Variants in KPNA7 observed in about 807,000 individuals in gnomAD.
KPNA7 encodes importin subunit alpha-8.
A neutral mutation model predicts 53.7 loss-of-function variants in KPNA7; 54 were observed. That is an observed-to-expected ratio of 1.01 (90% CI 0.81 to 1.26). The LOEUF (loss-of-function observed/expected upper bound fraction) is 1.26. KPNA7 is among the 50% of genes most tolerant of loss of function. The probability of loss-of-function intolerance (pLI) is 0.00; values close to 1 mark genes in which losing one functional copy is unlikely to be tolerated. For synonymous variants in KPNA7, 276 were observed against 259.3 expected, an observed-to-expected ratio of 1.06 and a Z score of -0.62; for missense variants, 640 against 644.5, an observed-to-expected ratio of 0.99 and a Z score of 0.07.
intron 9 of KPNA7, 63 bp downstream of exon 9, chr7:99,181,820 A>G: frequency 7.4e-7 from 1 of 1,355,880 alleles, no homozygotes. Flanking sequence ...TAAGAGCCAC[A>G]TTAAATGCTT....
chr7:99,170,059 T>A (rs1798743961), downstream of KPNA7, among the ~76,000 whole-genome samples: 1 of 152,122 alleles, frequency 6.6e-6, no homozygotes, highest in Non-Finnish European at 1.5e-5. Context: ...TCTGCAGCTC[T>A]GATCGTTGGG....
At chr7:99,168,900 A>G (rs1365670576), downstream of KPNA7, among the ~76,000 whole-genome samples, 3 of 152,170 alleles carry the variant, frequency 2.0e-5, no homozygotes, top group African/African-American at 7.2e-5. Flanking sequence ...TGAACTCTCC[A>G]TTAATGTAAC....
At chr7:99,214,452 CA>C (rs200819604) in intron 1 of KPNA7, among the ~76,000 whole-genome samples, 2 of 145,366 alleles carry the variant, frequency 1.4e-5, no homozygotes, top group Non-Finnish European at 1.5e-5. Flanking sequence ...CAAAAAAAAA[CA>C]AAAAACAAAA....
At chr7:99,170,745 C>G (rs1047483485), downstream of KPNA7, among the ~76,000 whole-genome samples, 3 of 152,168 alleles carry the variant, frequency 2.0e-5, no homozygotes, top group African/African-American at 7.2e-5. Context: ...ATACTGGAGA[C>G]ACAACCTACA....
rs1790202107 is a variant in KPNA7, at chr7:99,195,828, T to C, written c.284+256A>G. ...ATCAACATTTTCCCCTTTAAGGTGTTATCTACAAGATGAAATTTCTGTAGA... is the reference window on the plus strand; with the variant it reads ...ATCAACATTTTCCCCTTTAAGGTGTCATCTACAAGATGAAATTTCTGTAGA... On this transcript the variant is annotated intron_variant, in intron 4 of 10. Coordinates refer to ENST00000327442, the MANE Select transcript of KPNA7 (RefSeq NM_001145715.3). Among the ~76,000 whole-genome samples, 4 of 152,362 alleles carry C rather than the reference T, an allele frequency of 2.6e-5. No individual in the cohort carries two copies. The South Asian group carries it at 8.3e-4, about 32-fold the overall frequency.
At chr7:99,218,561 G>A (rs73405119) in intron 1 of KPNA7, among the ~76,000 whole-genome samples, 11 of 152,092 alleles carry the variant, frequency 7.2e-5, no homozygotes, top group Non-Finnish European at 1.3e-4. Flanking sequence ...CAGACACCCC[G>A]CAAGCCCGCG....
intron 1 of KPNA7, among the ~76,000 whole-genome samples, chr7:99,215,719 C>T (rs1028675915): frequency 6.6e-6 from 1 of 152,114 alleles, no homozygotes; most frequent in African/African-American, 2.4e-5. Flanking sequence ...CAGGCAGAGG[C>T]TCATGCCCGT....
At chr7:99,215,878 G>A (rs1584327480) in intron 1 of KPNA7, among the ~76,000 whole-genome samples, 2 of 151,946 alleles carry the variant, frequency 1.3e-5, no homozygotes, top group East Asian at 1.9e-4. Context: ...GGAGGCTAAG[G>A]CAGGAGGATC....
the KPNA7 span, among the ~76,000 whole-genome samples, chr7:99,154,356 T>C: frequency 6.6e-6 from 1 of 152,218 alleles, no homozygotes. Flanking sequence ...CTTGAACTCT[T>C]GACCTCAAGC....
chr7:99,187,728 G>A (rs1789673257), intron 7 of KPNA7, among the ~76,000 whole-genome samples: 4 of 141,956 alleles, frequency 2.8e-5, no homozygotes, highest in African/African-American at 1.0e-4. Flanking sequence ...TAATTCTTTG[G>A]TGTTTTACAA....
At chr7:99,215,424 A>G (rs1413082078) in intron 1 of KPNA7, among the ~76,000 whole-genome samples, 2 of 151,598 alleles carry the variant, frequency 1.3e-5, no homozygotes, top group South Asian at 2.1e-4. Flanking sequence ...TTCAAACCAA[A>G]TATCACAGGA....
rs1187469663 is a variant in KPNA7, at chr7:99,196,140, G to T, written c.228C>A (p.Ile76=). 1 of 1,551,758 alleles carries T rather than the reference G, an allele frequency of 6.4e-7. No individual in the cohort carries two copies. The highest frequency in any genetic ancestry group is 2.0e-5 in the Admixed American group (1 of 50,988). Residue 76 remains isoleucine, a synonymous_variant, in exon 4 of 11, where the codon ATC becomes ATA. Coordinates refer to ENST00000327442, the MANE Select transcript of KPNA7 (RefSeq NM_001145715.3). ...CTGGATCTGAGCTATTCACACCTTT[G>T]ATTATTTCACCCAGAGTGAGGCTGA... The part of the protein sequence containing the change: ...VAVSLTLGEI[I]KGVNSSDPVL...
At chr7:99,196,810 G>T (rs1790252004) in intron 3 of KPNA7, among the ~76,000 whole-genome samples, 1 of 152,120 alleles carries the variant, frequency 6.6e-6, no homozygotes, top group Non-Finnish European at 1.5e-5. Context: ...GATCTGTCTG[G>T]TCATTCCCTG....
downstream of KPNA7, among the ~76,000 whole-genome samples, chr7:99,171,282 C>T (rs116448671): frequency 0.011 from 1,714 of 152,232 alleles, 34 homozygotes; most frequent in African/African-American, 0.04. Flanking sequence ...ATTTAACCTC[C>T]CATGCACCTT....
At chr7:99,201,686 C>T (rs1790544745) in intron 3 of KPNA7, among the ~76,000 whole-genome samples, 1 of 149,146 alleles carries the variant, frequency 6.7e-6, no homozygotes, top group Non-Finnish European at 1.5e-5. Context: ...TAATATGGGA[C>T]CAAAAGAAAA....
intron 2 of KPNA7, 132 bp from the exon 3 acceptor site, chr7:99,203,372 G>C (rs1222992751): frequency 1.2e-6 from 1 of 827,032 alleles, no homozygotes; most frequent in Non-Finnish European, 1.9e-6. Context: ...AGATCACACA[G>C]TTAGTAAATC....
chr7:99,159,160 C>T, the KPNA7 span, among the ~76,000 whole-genome samples: 4 of 151,864 alleles, frequency 2.6e-5, no homozygotes, highest in South Asian at 2.1e-4. Context: ...CCACCATGCC[C>T]GACAACATCC....
intron 3 of KPNA7, among the ~76,000 whole-genome samples, chr7:99,198,496 C>T (rs1790342637): frequency 6.6e-6 from 1 of 151,114 alleles, no homozygotes; most frequent in East Asian, 1.9e-4. Flanking sequence ...AAAAAATCAA[C>T]ATAGTACCCC....
In KPNA7 at chr7:99,207,473, T is replaced by C. The variant is rs1790873860; in HGVS notation, c.-7A>G. On this transcript the variant is annotated 5_prime_UTR_variant, in exon 2 of 11. Transcript: ENST00000327442. Reference sequence around the variant, plus strand: ...GAGCATCTAAGGTCGGCATATTGACTGGAAGTAGTAAGTTACCTGCAGGTT... The same window carrying C: ...GAGCATCTAAGGTCGGCATATTGACCGGAAGTAGTAAGTTACCTGCAGGTT... The C allele has an allele frequency of 6.4e-7, 1 of 1,550,802 alleles. No individual in the cohort carries two copies. Among genetic ancestry groups the C allele is most frequent in the Non-Finnish European group, 8.7e-7 (1 of 1,146,284 alleles).
Sources: allele counts gnomAD v4.1 joint callset (sites outside exome capture counted in the v4.1 genomes callset), GRCh38; gene constraint gnomAD v4.1.1; transcripts MANE v1.5; gene names NCBI Gene and HGNC (gene_info 2026-07-23, HGNC 2026-07-21).